Variants in UBL3 observed in about 807,000 individuals in gnomAD.
UBL3 encodes the protein ubiquitin-like protein 3.
Under a neutral mutation model 18.4 loss-of-function variants are expected in UBL3, and 6 were observed. The ratio of observed to expected loss-of-function variants is 0.33; its 90% CI spans 0.18 to 0.64. The LOEUF is 0.64. Ranked by LOEUF, UBL3 falls within the 30% of genes least tolerant of loss-of-function variation. The probability of loss-of-function intolerance (pLI) is 0.76; values close to 1 mark genes in which losing one functional copy is unlikely to be tolerated. For missense variants in UBL3, 109 were observed against 142.9 expected, an observed-to-expected ratio of 0.76 and a Z score of 1.21; for synonymous variants, 49 against 46.6, an observed-to-expected ratio of 1.05 and a Z score of -0.21.
At chr13:29,836,294 G>T (rs927381258) in intron 1 of UBL3, among the ~76,000 whole-genome samples, 1 of 151,882 alleles carries the variant, frequency 6.6e-6, no homozygotes, top group Non-Finnish European at 1.5e-5. Flanking sequence ...TTAGCAACTA[G>T]AAGGATAAAA....
intron 1 of UBL3, among the ~76,000 whole-genome samples, chr13:29,841,422 T>TG (rs1879096728): frequency 6.6e-6 from 1 of 152,212 alleles, no homozygotes; most frequent in South Asian, 2.1e-4. Context: ...AAATCCACTG[T>TG]GTAACAAATA....
At chr13:29,792,808 G>C (rs1280051004) in intron 1 of UBL3, among the ~76,000 whole-genome samples, 2 of 152,150 alleles carry the variant, frequency 1.3e-5, no homozygotes, top group Non-Finnish European at 2.9e-5. Context: ...AAATTATTCA[G>C]CAGGGCAGCT....
chr13:29,777,487 A>G (rs747601285), intron 1 of UBL3: 1 of 640,704 alleles, frequency 1.6e-6, no homozygotes, highest in South Asian at 1.4e-5. Flanking sequence ...CATATTTGCC[A>G]TAATAAATGA....
At chr13:29,792,381 A>C (rs1472296198) in intron 1 of UBL3, among the ~76,000 whole-genome samples, 2 of 152,254 alleles carry the variant, frequency 1.3e-5, no homozygotes, top group East Asian at 3.8e-4. Flanking sequence ...GATAATAAAA[A>C]CCAATTTCTC....
chr13:29,821,942 TA>T (rs34582115), intron 1 of UBL3, among the ~76,000 whole-genome samples: 15,484 of 152,142 alleles, frequency 0.1, 962 homozygotes, highest in African/African-American at 0.17. Context: ...AGCTCTTTGT[TA>T]AATTAAATTA....
chr13:29,817,546 G>C (rs1878317541), intron 1 of UBL3, among the ~76,000 whole-genome samples: 1 of 152,138 alleles, frequency 6.6e-6, no homozygotes, highest in African/African-American at 2.4e-5. Context: ...AGGCAAAATA[G>C]CTGAAATGTA....
chr13:29,787,170 GT>G (rs558390209), intron 1 of UBL3, among the ~76,000 whole-genome samples: 12 of 148,756 alleles, frequency 8.1e-5, no homozygotes, highest in East Asian at 2.0e-4. Flanking sequence ...TATGTAAACT[GT>G]TTTTTTTTTC....
At chr13:29,841,408 A>G (rs929235773) in intron 1 of UBL3, among the ~76,000 whole-genome samples, 1 of 152,200 alleles carries the variant, frequency 6.6e-6, no homozygotes, top group Non-Finnish European at 1.5e-5. Context: ...GTACTTTTTA[A>G]GAAAAATCCA....
chr13:29,766,400 C>A lies in UBL3; in HGVS notation c.*855G>T, dbSNP rs1366230887. ...GATAATTATGGAAAATTTCAATTTGCTGATATTCAAATACATAAAATTGAT... is the reference window on the plus strand; with the variant it reads ...GATAATTATGGAAAATTTCAATTTGATGATATTCAAATACATAAAATTGAT... On this transcript the variant is annotated 3_prime_UTR_variant, in exon 5 of 5. Coordinates refer to ENST00000380680, the MANE Select transcript of UBL3 (RefSeq NM_007106.4). 1 of 152,300 alleles carries A rather than the reference C, an allele frequency of 6.6e-6. No individual in the cohort carries two copies. Among genetic ancestry groups the A allele is most frequent in the Non-Finnish European group, 1.5e-5 (1 of 67,958 alleles). 9.4% of individuals were successfully genotyped at this position (152,300 alleles called of 1,614,324 possible).
At chr13:29,774,510 T>C (rs1331368359) in intron 2 of UBL3, among the ~76,000 whole-genome samples, 1 of 152,184 alleles carries the variant, frequency 6.6e-6, no homozygotes, top group East Asian at 1.9e-4. Flanking sequence ...TATTCCTGCC[T>C]GGCTATAAAG....
chr13:29,811,435 T>G (rs887320221), intron 1 of UBL3, among the ~76,000 whole-genome samples: 4 of 152,110 alleles, frequency 2.6e-5, no homozygotes, highest in Non-Finnish European at 4.4e-5. Context: ...TAAACTCCAC[T>G]GCAACTAGTA....
intron 1 of UBL3, among the ~76,000 whole-genome samples, chr13:29,818,542 C>T (rs1352130898): frequency 6.6e-6 from 1 of 152,194 alleles, no homozygotes; most frequent in African/African-American, 2.4e-5. Flanking sequence ...AAATTTTTCT[C>T]TGTTTAAGAA....
intron 1 of UBL3, among the ~76,000 whole-genome samples, chr13:29,789,312 C>T (rs183887842): frequency 6.6e-5 from 10 of 152,260 alleles, no homozygotes; most frequent in African/African-American, 2.4e-4. Flanking sequence ...CACTGAATTG[C>T]ACACTTTAAA....
chr13:29,774,306 C>T (rs1305098989), intron 2 of UBL3, among the ~76,000 whole-genome samples: 1 of 151,906 alleles, frequency 6.6e-6, no homozygotes, highest in Non-Finnish European at 1.5e-5. Context: ...TACAATACTG[C>T]CCAAATAAAT....
rs1369580973 is a variant in UBL3, at chr13:29,765,871, G to A, written c.*1384C>T. On this transcript the variant is annotated 3_prime_UTR_variant, in exon 5 of 5. Coordinates refer to ENST00000380680, the MANE Select transcript of UBL3 (RefSeq NM_007106.4). Reference sequence around the variant, plus strand: ...CCATTTACATTTAATGTTTGTAAGGGCTGTTGACACTTAGTACAGAATGTA... The same window carrying A: ...CCATTTACATTTAATGTTTGTAAGGACTGTTGACACTTAGTACAGAATGTA... The A allele has an allele frequency of 6.3e-5, 2 of 31,922 alleles. No homozygotes were observed. The highest frequency in any genetic ancestry group is 1.5e-4 in the Non-Finnish European group (2 of 13,420). 2.0% of individuals were successfully genotyped at this position (31,922 alleles called of 1,614,324 possible).
At chr13:29,776,465 G>A (rs1198570069) in intron 2 of UBL3, among the ~76,000 whole-genome samples, 1 of 151,760 alleles carries the variant, frequency 6.6e-6, no homozygotes, top group Non-Finnish European at 1.5e-5. Flanking sequence ...ATCTTGCTAT[G>A]TTGCACAGGC....
intron 3 of UBL3, among the ~76,000 whole-genome samples, chr13:29,768,015 T>A (rs1341595083): frequency 6.6e-6 from 1 of 152,090 alleles, no homozygotes; most frequent in Non-Finnish European, 1.5e-5. Flanking sequence ...TTTAAAAGAA[T>A]ACTCTTTTCT....
At chr13:29,781,074 C>T (rs1483054272) in intron 1 of UBL3, among the ~76,000 whole-genome samples, 2 of 152,064 alleles carry the variant, frequency 1.3e-5, no homozygotes, top group African/African-American at 4.8e-5. Context: ...ACTTGGGAGG[C>T]TGAGGCAGGA....
chr13:29,816,754 CAAAAAAAAAAAAA>C (rs57272367), intron 1 of UBL3, among the ~76,000 whole-genome samples: 1,001 of 42,638 alleles, frequency 0.023, 20 homozygotes, highest in African/African-American at 0.063. Flanking sequence ...GACCCTGTCT[CAAAAAAAAAAAAA>C]AAAAAAAAAA....
Sources: gnomAD v4.1 joint callset for allele counts (sites outside exome capture counted in the v4.1 genomes callset) on GRCh38, gnomAD v4.1.1 for gene constraint, MANE v1.5 for transcripts, NCBI Gene and HGNC (gene_info 2026-07-23, HGNC 2026-07-21) for gene names.